The following NWD2 variants were observed in gnomAD, a reference collection of about 807,000 sequenced individuals.
NWD2 encodes the protein NACHT and WD repeat domain-containing protein 2.
NWD2 carries 37 observed loss-of-function variants against 132.7 expected under a neutral mutation model. The observed-to-expected ratio is 0.28, with a 90% confidence interval of 0.21 to 0.37. The LOEUF is 0.37. Ranked by LOEUF, NWD2 falls within the 10% of genes least tolerant of loss-of-function variation. NWD2 has a pLI of 1.00. For missense variants in NWD2, 1,592 were observed against 2,122.4 expected, an observed-to-expected ratio of 0.75 and a Z score of 4.91; for synonymous variants, 705 against 803.0, an observed-to-expected ratio of 0.88 and a Z score of 2.06.
intron 1 of NWD2, among the ~76,000 whole-genome samples, chr4:37,283,399 T>C (rs889818880): frequency 2.0e-5 from 3 of 152,232 alleles, no homozygotes; most frequent in Non-Finnish European, 2.9e-5. Flanking sequence ...TCAGTATGTC[T>C]GTATATGTTA....
chr4:37,347,786 C>G (rs915016824), intron 2 of NWD2, among the ~76,000 whole-genome samples: 1 of 152,060 alleles, frequency 6.6e-6, no homozygotes, highest in Non-Finnish European at 1.5e-5. Context: ...TTAAATTAAC[C>G]TTCATATTTA....
chr4:37,383,285 CA>C (rs1174950834), intron 3 of NWD2, among the ~76,000 whole-genome samples: 3 of 152,206 alleles, frequency 2.0e-5, no homozygotes, highest in African/African-American at 7.2e-5. Flanking sequence ...CTTTGATTTA[CA>C]GCCAAAACAA....
In NWD2 at chr4:37,307,646, T is replaced by C. The variant is rs1021017041; in HGVS notation, c.152-18290T>C. ...TTTGGGGACTTTTTAGTTTCCTGTA[T>C]CTGAATATCCATATTTCTTCCCAAA... On this transcript the variant is annotated intron_variant, in intron 1 of 6. Coordinates refer to ENST00000309447, the MANE Select transcript of NWD2 (RefSeq NM_001144990.2). Among the ~76,000 whole-genome samples the C allele has an allele frequency of 3.9e-5, 6 of 152,220 alleles. No individual in the cohort carries two copies. The East Asian group carries it at 1.2e-3, about 29-fold the overall frequency.
chr4:37,268,035 G>T (rs1028831534), intron 1 of NWD2, among the ~76,000 whole-genome samples: 3 of 151,790 alleles, frequency 2.0e-5, no homozygotes, highest in African/African-American at 7.3e-5. Context: ...TCTGTACAAA[G>T]AAAATAGATT....
At chr4:37,418,462 T>C (rs1385071993) in intron 3 of NWD2, among the ~76,000 whole-genome samples, 1 of 152,030 alleles carries the variant, frequency 6.6e-6, no homozygotes, top group Non-Finnish European at 1.5e-5. Context: ...ATGATTTCCT[T>C]CTAACGAGTA....
chr4:37,361,375 A>C (rs1004924672), intron 3 of NWD2, among the ~76,000 whole-genome samples: 46 of 152,132 alleles, frequency 3.0e-4, no homozygotes, highest in African/African-American at 1.1e-3. Context: ...TGGCAAAAAC[A>C]CAATGAAAAA....
chr4:37,287,645 T>C (rs1377434392), intron 1 of NWD2, among the ~76,000 whole-genome samples: 1 of 152,174 alleles, frequency 6.6e-6, no homozygotes, highest in East Asian at 1.9e-4. Flanking sequence ...CAAATCTCCC[T>C]GGGCATGAGC....
Position 37,439,244 on chromosome 4 carries a change from G to A in NWD2, c.1150G>A (p.Ala384Thr), listed in dbSNP as rs182008355. Reference sequence around the variant, plus strand: ...ACATTCATCATTATGTAAAACATACGCCTCCTTCTATGAGTACAAATGTGA... The same window carrying A: ...ACATTCATCATTATGTAAAACATACACCTCCTTCTATGAGTACAAATGTGA... ...LQHSSLCKTY[A>T]SFYEYKCESL... is the part of the protein sequence containing the mutation. Residue 384 changes from alanine (A) to threonine (T), a missense_variant, in exon 6 of 7, where the codon GCC becomes ACC. This residue lies in a region of NWD2 where 1,071 missense variants were observed against 1,398.0 expected (regional missense o/e 0.77). Coordinates refer to ENST00000309447, the MANE Select transcript of NWD2 (RefSeq NM_001144990.2). This position sits in a 1 kb window ranked among gnomAD's most constrained non-coding sequence, Gnocchi z 4.5. The A allele has an allele frequency of 4.8e-5, 75 of 1,551,154 alleles. No individual in the cohort carries two copies. The highest frequency in any genetic ancestry group is 3.3e-4 in the Admixed American group (17 of 50,870).
At chr4:37,260,833 A>T (rs1049911603) in intron 1 of NWD2, among the ~76,000 whole-genome samples, 1 of 152,146 alleles carries the variant, frequency 6.6e-6, no homozygotes, top group Non-Finnish European at 1.5e-5. Flanking sequence ...GATAGAAGGG[A>T]TCTGATCTTC....
At chr4:37,377,906 C>T (rs886898680) in intron 3 of NWD2, among the ~76,000 whole-genome samples, 1 of 151,726 alleles carries the variant, frequency 6.6e-6, no homozygotes, top group Non-Finnish European at 1.5e-5. Context: ...AAATGTTTCA[C>T]CACAAAAAAA....
intron 3 of NWD2, among the ~76,000 whole-genome samples, chr4:37,394,304 T>C (rs1020215492): frequency 2.6e-5 from 4 of 152,228 alleles, no homozygotes; most frequent in South Asian, 2.1e-4. Context: ...GAAGTCTCCA[T>C]AGAGTGAGAC....
chr4:37,285,443 A>G (rs1419019858), intron 1 of NWD2, among the ~76,000 whole-genome samples: 1 of 152,050 alleles, frequency 6.6e-6, no homozygotes, highest in African/African-American at 2.4e-5. Context: ...CTAATAATAC[A>G]CAATATAATA....
chr4:37,424,265 G>T (rs913094947), intron 3 of NWD2, among the ~76,000 whole-genome samples: 4 of 152,118 alleles, frequency 2.6e-5, no homozygotes, highest in Non-Finnish European at 5.9e-5. Context: ...ACAATCAAAT[G>T]AGCTACTCTA....
intron 1 of NWD2, among the ~76,000 whole-genome samples, chr4:37,256,406 A>G (rs1717519463): frequency 6.6e-6 from 1 of 152,222 alleles, no homozygotes; most frequent in African/African-American, 2.4e-5. Context: ...AGGGAGAAGA[A>G]TGTGTTGAAA....
At chr4:37,395,640 G>T (rs1577689584) in intron 3 of NWD2, among the ~76,000 whole-genome samples, 1 of 135,012 alleles carries the variant, frequency 7.4e-6, no homozygotes, top group East Asian at 2.2e-4. Flanking sequence ...CAATTTCTCA[G>T]ATCCATTATG....
intron 1 of NWD2, among the ~76,000 whole-genome samples, chr4:37,322,252 CAATAAACA>C (rs1346802880): frequency 6.6e-6 from 1 of 152,042 alleles, no homozygotes; most frequent in Non-Finnish European, 1.5e-5. Context: ...GGGAGGCACA[CAATAAACA>C]AATAAACAAT....
chr4:37,353,609 A>C (rs1417891767), intron 2 of NWD2, among the ~76,000 whole-genome samples: 2 of 151,494 alleles, frequency 1.3e-5, no homozygotes, highest in African/African-American at 4.9e-5. Flanking sequence ...TCAATCTCTG[A>C]TATCCTTTCT....
At chr4:37,292,039 GT>G (rs140185527) in intron 1 of NWD2, among the ~76,000 whole-genome samples, 4,197 of 152,198 alleles carry the variant, frequency 0.028, 198 homozygotes, top group African/African-American at 0.095. Context: ...ACATCATTAA[GT>G]TTTTTTAGAA....
At chr4:37,416,590 A>G (rs1011315970) in intron 3 of NWD2, among the ~76,000 whole-genome samples, 2 of 152,114 alleles carry the variant, frequency 1.3e-5, no homozygotes, top group African/African-American at 4.8e-5. Context: ...TGATCCAGCA[A>G]TGCCACTCTT....
Sources: gnomAD v4.1 joint callset for allele counts (sites outside exome capture counted in the v4.1 genomes callset) on GRCh38, gnomAD v4.1.1 for gene constraint, gnomAD v4.1.1 regional missense constraint, Gnocchi (gnomAD v3.1) non-coding constraint, MANE v1.5 for transcripts, NCBI Gene and HGNC (gene_info 2026-07-23, HGNC 2026-07-21) for gene names.